Variants in NT5C1A observed in about 807,000 individuals in gnomAD.
The protein encoded by NT5C1A is cytosolic 5'-nucleotidase 1A.
NT5C1A carries 18 observed loss-of-function variants against 31.0 expected under a neutral mutation model. The ratio of observed to expected loss-of-function variants is 0.58; its 90% confidence interval spans 0.40 to 0.86. The LOEUF (loss-of-function observed/expected upper bound fraction) is 0.86. NT5C1A is among the 40% of genes least tolerant of loss of function. The pLI, the probability that NT5C1A is intolerant of heterozygous loss-of-function variation, is 0.00. For missense variants in NT5C1A, 470 were observed against 505.4 expected (o/e 0.93, Z 0.67); for synonymous variants, 185 against 203.6 (o/e 0.91, Z 0.78).
chr1:39,668,663 T>C (rs1646535132), intron 1 of NT5C1A, among the ~76,000 whole-genome samples: 1 of 152,186 alleles, frequency 6.6e-6, no homozygotes, highest in Admixed American at 6.5e-5. Context: ...TCCCAGAAGA[T>C]TCTATCCCTT....
Position 39,659,465 on chromosome 1 carries a change from C to A in NT5C1A, c.763G>T (p.Glu255Ter). ...TTCTTCTGCAACCTACCCAGTGCCT[C>A]CAGAAAGCCCTTTAAGGGGCCCTAT... ...LAQGPLKGFL[E>*]ALGRLQKKFY... The change falls in exon 6 of 6, where the codon GAG becomes TAG. Residue 255 changes from glutamate to a stop codon, truncating the protein, a stop_gained. Coordinates refer to ENST00000235628, the MANE Select transcript of NT5C1A (RefSeq NM_032526.3). LOFTEE classifies it high-confidence loss of function. 7 of 1,585,870 alleles carry A rather than the reference C, an allele frequency of 4.4e-6. No homozygotes were observed. The highest frequency in any genetic ancestry group is 6.0e-6 in the Non-Finnish European group (7 of 1,164,124).
rs894149433 is a variant in NT5C1A, at chr1:39,672,035, C to T, written c.4G>A (p.Glu2Lys). The T allele has an allele frequency of 1.3e-5, 20 of 1,597,758 alleles. No individual in the cohort carries two copies. The highest frequency in any genetic ancestry group is 1.7e-5 in the Non-Finnish European group (20 of 1,177,582). The change falls in exon 1 of 6, where the codon GAA (glutamate) becomes AAA (lysine). Residue 2 changes from glutamate (E) to lysine (K), a missense_variant. By Grantham distance (56) the Glu-to-Lys change is moderately conservative. Coordinates refer to ENST00000235628, the MANE Select transcript of NT5C1A (RefSeq NM_032526.3). Reference sequence around the variant, plus strand: ...TGGGGCTCCCGGGGCTGCCCAGGTTCCATGCTCCGGCTCTGACCCGGCCCG... The same window carrying T: ...TGGGGCTCCCGGGGCTGCCCAGGTTTCATGCTCCGGCTCTGACCCGGCCCG... M[E>K]PGQPREPQEP... is the part of the protein sequence containing the mutation.
chr1:39,663,392 G>A lies in NT5C1A; in HGVS notation c.476C>T (p.Pro159Leu), dbSNP rs753973530. The part of the protein sequence containing the change: ...ERFCMTGGNS[P>L]ICYLKAYHTN... ...GTGATAGGCCTTGAGGTAGCAGATC[G>A]GGCTGTTCCCACCTGTCATGCAGAA... The change falls in exon 4 of 6, where the codon CCG becomes CTG. Residue 159 changes from proline to leucine, a missense_variant. Transcript: ENST00000235628. 7 of 1,614,060 alleles carry A rather than the reference G, an allele frequency of 4.3e-6. No individual in the cohort carries two copies. The highest frequency in any genetic ancestry group is 1.3e-5 in the African/African-American group (1 of 74,994).
chr1:39,661,993 C>T (rs957910329), intron 4 of NT5C1A, among the ~76,000 whole-genome samples: 14 of 152,142 alleles, frequency 9.2e-5, no homozygotes, highest in African/African-American at 2.4e-4. Context: ...TAGTTGTGTG[C>T]ACAGACTGCA....
At position 39,652,428 on chromosome 1, in the gene NT5C1A, T is replaced by C. The variant is rs1347930521; in HGVS notation, c.*6693A>G. Among the ~76,000 whole-genome samples, 1 of 152,190 alleles carries C rather than the reference T, an allele frequency of 6.6e-6. No individual in the cohort carries two copies. Among genetic ancestry groups the C allele is most frequent in the African/African-American group, 2.4e-5 (1 of 41,454 alleles). The stretch of plus-strand genomic sequence containing the variant: ...CATGGCAGACCACAGTGTTCTCCAT[T>C]CTCAGTGAAGAACTGGCTTAATCCT... On this transcript the variant is annotated 3_prime_UTR_variant, in exon 6 of 6. Coordinates refer to ENST00000235628, the MANE Select transcript of NT5C1A (RefSeq NM_032526.3).
At chr1:39,665,209 G>C (rs575432341) in intron 3 of NT5C1A, among the ~76,000 whole-genome samples, 1 of 152,316 alleles carries the variant, frequency 6.6e-6, no homozygotes, top group Non-Finnish European at 1.5e-5. Context: ...ACGGAGAGTG[G>C]GGTGTGCTGG....
intron 3 of NT5C1A, among the ~76,000 whole-genome samples, chr1:39,663,896 T>G (rs1646504619): frequency 6.6e-6 from 1 of 152,206 alleles, no homozygotes; most frequent in Non-Finnish European, 1.5e-5. Context: ...ACCCAGGACC[T>G]CTGTCCTCTC....
chr1:39,658,983 C>T lies in NT5C1A; in HGVS notation c.*138G>A. On this transcript the variant is annotated 3_prime_UTR_variant, in exon 6 of 6. Transcript: ENST00000235628. The stretch of plus-strand genomic sequence containing the variant: ...CCAGACCCGTCTGCATAATTTCCTA[C>T]AAGTACATCACTCATAGGGATGAGG... The T allele has an allele frequency of 8.2e-7, 1 of 1,214,734 alleles. No homozygotes were observed. The highest frequency in any genetic ancestry group is 1.5e-5 in the African/African-American group (1 of 66,298). The allele number at this position is 1,214,734 out of a possible 1,614,324, so 75.2% of individuals were successfully genotyped here.
In NT5C1A at chr1:39,656,078, C is replaced by A. The variant is rs1028685737; in HGVS notation, c.*3043G>T. Among the ~76,000 whole-genome samples, 3 of 151,694 alleles carry A rather than the reference C, an allele frequency of 2.0e-5. No individual in the cohort carries two copies. ...GCAGTCTCAGTGCTTAGTAACAGGGCTTCCATTTTTCTGCTAAGCAGCAGT... is the reference window on the plus strand; with the variant it reads ...GCAGTCTCAGTGCTTAGTAACAGGGATTCCATTTTTCTGCTAAGCAGCAGT... On this transcript the variant is annotated 3_prime_UTR_variant, in exon 6 of 6. Transcript: ENST00000235628.
chr1:39,664,264 C>A (rs1160987464), intron 3 of NT5C1A, among the ~76,000 whole-genome samples: 1 of 150,838 alleles, frequency 6.6e-6, no homozygotes, highest in African/African-American at 2.4e-5. Flanking sequence ...CGTCATTCTC[C>A]TGCCTCAGCC....
chr1:39,659,281 G>C lies in NT5C1A; in HGVS notation c.947C>G (p.Pro316Arg), dbSNP rs1385072618. ...GTGTGGGCGGATCTTCTCAAGGAGA[G>C]GGCCCTTGGGCGCTCCAGCAAGGAA... is the stretch of plus-strand genomic sequence containing the variant. ...ALFLAGAPKG[P>R]LLEKIRPHIF... Residue 316 changes from proline (P) to arginine (R), a missense_variant, in exon 6 of 6, where the codon CCT becomes CGT. Coordinates refer to ENST00000235628, the MANE Select transcript of NT5C1A (RefSeq NM_032526.3). 1.2e-6 allele frequency: 2 copies of C among 1,613,986 alleles called. No individual in the cohort carries two copies. The highest frequency in any genetic ancestry group is 1.3e-5 in the African/African-American group (1 of 74,960).
chr1:39,665,142 C>A (rs1646514685), intron 3 of NT5C1A, among the ~76,000 whole-genome samples: 1 of 152,204 alleles, frequency 6.6e-6, no homozygotes, highest in African/African-American at 2.4e-5. Flanking sequence ...GGCCTGTTAG[C>A]CCCATCACAG....
At position 39,659,333 on chromosome 1, in the gene NT5C1A, A is replaced by C. The variant is rs755946011; in HGVS notation, c.895T>G (p.Trp299Gly). The change falls in exon 6 of 6, where the codon TGG (tryptophan) becomes GGG (glycine). Residue 299 changes from tryptophan (W) to glycine (G), a missense_variant. By Grantham distance (184) the Trp-to-Gly change is radical. Coordinates refer to ENST00000235628, the MANE Select transcript of NT5C1A (RefSeq NM_032526.3). ...AAGGCTTCATCTGTCTCCAGGCCCC[A>C]GCTGCGCAGGGTCTTGAGAGCCCGG... ...GARALKTLRS[W>G]GLETDEALFL... The C allele has an allele frequency of 6.2e-7, 1 of 1,613,952 alleles. No individual in the cohort carries two copies. Among genetic ancestry groups the C allele is most frequent in the Non-Finnish European group, 8.5e-7 (1 of 1,180,022 alleles).
intron 5 of NT5C1A, among the ~76,000 whole-genome samples, chr1:39,660,126 C>T (rs531766851): frequency 7.9e-5 from 12 of 152,344 alleles, no homozygotes; most frequent in African/African-American, 1.7e-4. Context: ...GGAGACCTCT[C>T]GCTTGCTAGG....
rs1048480885 is a variant in NT5C1A at position 39,654,795 on chromosome 1, G to T, written c.*4326C>A. Among the ~76,000 whole-genome samples, 1 of 152,158 alleles carries T rather than the reference G, an allele frequency of 6.6e-6. No homozygotes were observed. The highest frequency in any genetic ancestry group is 6.5e-5 in the Admixed American group (1 of 15,280). ...GCTGTCTGCCTTGGCCCAGGGGTCCGCACATTTTTCTGTAAAGGGCCAGAT... is the reference window on the plus strand; with the variant it reads ...GCTGTCTGCCTTGGCCCAGGGGTCCTCACATTTTTCTGTAAAGGGCCAGAT... On this transcript the variant is annotated 3_prime_UTR_variant, in exon 6 of 6. Transcript: ENST00000235628.
chr1:39,665,904 ATGAATTT>A (rs1646519142), intron 2 of NT5C1A, among the ~76,000 whole-genome samples, 158 bp downstream of exon 2: 1 of 152,214 alleles, frequency 6.6e-6, no homozygotes, highest in Non-Finnish European at 1.5e-5. Context: ...CAGAGGGTGG[ATGAATTT>A]TCTTCCCAAA....
At position 39,652,925 on chromosome 1, in the gene NT5C1A, G is replaced by T. The variant is rs784615; in HGVS notation, c.*6196C>A. Among the ~76,000 whole-genome samples, 4 of 151,918 alleles carry T rather than the reference G, an allele frequency of 2.6e-5. No homozygotes were observed. The highest frequency in any genetic ancestry group is 4.4e-5 in the Non-Finnish European group (3 of 68,006). ...GTAGTGGGGAGGGAAGGCAACTTTC[G>T]TAGCCATGGCCATGAGATGACCAGG... On this transcript the variant is annotated 3_prime_UTR_variant, in exon 6 of 6. Transcript: ENST00000235628.
Position 39,658,924 on chromosome 1 carries a change from C to A in NT5C1A, c.*197G>T, listed in dbSNP as rs374454276. ...TACTCTCCTACTCAGGATCATGGCA[C>A]AGAATTTGCCCCAAAGGAGGGATGT... On this transcript the variant is annotated 3_prime_UTR_variant, in exon 6 of 6. Transcript: ENST00000235628. 9.5e-4 allele frequency among the ~76,000 whole-genome samples: 145 copies of A among 152,278 alleles called. 1 individual carries two copies. Among genetic ancestry groups the A allele is most frequent in the African/African-American group, 3.4e-3 (143 of 41,554 alleles).
At position 39,659,023 on chromosome 1, in the gene NT5C1A, G is replaced by A; in HGVS notation, c.*98C>T. The A allele has an allele frequency of 6.9e-7, 1 of 1,449,208 alleles. No homozygotes were observed. Among genetic ancestry groups the A allele is most frequent in the African/African-American group, 1.4e-5 (1 of 70,768 alleles). 89.8% of individuals were successfully genotyped at this position (1,449,208 alleles called of 1,614,324 possible). ...TAGGGATGAGGGCAGACAGGCAGAA[G>A]GACAGAACAGTGAGAAACTAGAGGG... On this transcript the variant is annotated 3_prime_UTR_variant, in exon 6 of 6. Transcript: ENST00000235628.
Sources: gnomAD v4.1 joint callset for allele counts (sites outside exome capture counted in the v4.1 genomes callset) on GRCh38, gnomAD v4.1.1 for gene constraint, MANE v1.5 for transcripts, NCBI Gene and HGNC (gene_info 2026-07-23, HGNC 2026-07-21) for gene names.